Variants in PCDH11X observed in about 807,000 individuals in gnomAD.
PCDH11X encodes the protein protocadherin-11 X-linked.
A neutral mutation model predicts 53.3 loss-of-function variants in PCDH11X; 18 were observed. That is an observed-to-expected ratio of 0.34 (90% CI 0.23 to 0.50). The LOEUF is 0.50. PCDH11X is among the 20% of genes least tolerant of loss of function. PCDH11X has a pLI of 0.98. For missense variants in PCDH11X, 570 were observed against 1,032.4 expected (o/e 0.55, Z 6.14); for synonymous variants, 279 against 393.3 (o/e 0.71, Z 3.44).
chrX:92,348,443 A>C (rs2069955573), intron 8 of PCDH11X, among the ~76,000 whole-genome samples: 2 of 109,799 alleles, frequency 1.8e-5, no homozygotes, highest in African/African-American at 6.6e-5. Flanking sequence ...TCCAAAATCC[A>C]AGTTCGGGGA....
chrX:92,601,066 G>T (rs1926172731), intron 10 of PCDH11X, among the ~76,000 whole-genome samples: 1 of 110,146 alleles, frequency 9.1e-6, no homozygotes, highest in Non-Finnish European at 1.9e-5. Flanking sequence ...TAACTAACTT[G>T]CTTTTGATTT....
chrX:92,379,376 C>T (rs180858548), intron 8 of PCDH11X, among the ~76,000 whole-genome samples: 5 of 113,036 alleles, frequency 4.4e-5, no homozygotes, highest in African/African-American at 6.4e-5. Flanking sequence ...TGCTGACATG[C>T]CTATGGCTGC....
chrX:92,498,888 T>C, intron 10 of PCDH11X, among the ~76,000 whole-genome samples: 1 of 92,963 alleles, frequency 1.1e-5, no homozygotes, highest in Non-Finnish European at 2.2e-5. Context: ...TTCATTCATA[T>C]TGTCATCAAC....
intron 7 of PCDH11X, among the ~76,000 whole-genome samples, chrX:92,219,502 C>G (rs185393088): frequency 0.17 from 18,110 of 108,427 alleles, 1,306 homozygotes; most frequent in Admixed American, 0.3. Context: ...GACGTGAAGG[C>G]CCTCTTCAAG....
intron 6 of PCDH11X, among the ~76,000 whole-genome samples, chrX:91,955,719 A>C (rs954553154): frequency 8.9e-6 from 1 of 112,248 alleles, no homozygotes; most frequent in African/African-American, 3.2e-5. Context: ...TGTGGCAACG[A>C]GAAGAATGTA....
intron 4 of PCDH11X, among the ~76,000 whole-genome samples, chrX:91,828,313 G>T (rs760715491): frequency 9.2e-6 from 1 of 109,162 alleles, no homozygotes; most frequent in Non-Finnish European, 1.9e-5. Context: ...GTAGAGACGG[G>T]GTTTCACCAT....
At chrX:91,814,266 T>C (rs1936384659) in intron 4 of PCDH11X, among the ~76,000 whole-genome samples, 1 of 111,363 alleles carries the variant, frequency 9.0e-6, no homozygotes, top group Non-Finnish European at 1.9e-5. Flanking sequence ...CATTCATTGT[T>C]CAGTTTAAGC....
At chrX:91,804,665 G>A (rs1390843313) in intron 1 of PCDH11X, among the ~76,000 whole-genome samples, 1 of 110,924 alleles carries the variant, frequency 9.0e-6, no homozygotes, top group African/African-American at 3.3e-5. Context: ...TTGTTAAATT[G>A]TATATTTACA....
chrX:91,998,937 C>A (rs1266220444), intron 6 of PCDH11X, among the ~76,000 whole-genome samples: 1 of 104,732 alleles, frequency 9.5e-6, no homozygotes, highest in African/African-American at 3.7e-5. Flanking sequence ...TTTTTTGAGA[C>A]AGTCTCTCAC....
intron 8 of PCDH11X, among the ~76,000 whole-genome samples, chrX:92,305,748 G>A (rs1343660490): frequency 9.0e-6 from 1 of 111,087 alleles, no homozygotes; most frequent in Non-Finnish European, 1.9e-5. Context: ...ATATGCATAT[G>A]TGTTACGAAT....
At chrX:92,263,186 T>C (rs764676654) in intron 8 of PCDH11X, 43 bp downstream of exon 8, 2 of 1,081,537 alleles carry the variant, frequency 1.8e-6, no homozygotes, top group East Asian at 6.4e-5. Context: ...TGAAATGTTG[T>C]GTTTATACTG....
At chrX:91,961,566 C>CA (rs58707236) in intron 6 of PCDH11X, among the ~76,000 whole-genome samples, 21 of 108,053 alleles carry the variant, frequency 1.9e-4, no homozygotes, top group African/African-American at 6.1e-4. Context: ...AAAACTCTGC[C>CA]AAAAAAAAAT....
chrX:92,582,773 C>T (rs1923866515), intron 10 of PCDH11X, among the ~76,000 whole-genome samples: 1 of 110,521 alleles, frequency 9.0e-6, no homozygotes, highest in South Asian at 3.9e-4. Context: ...TGAAAGCATC[C>T]AGGAGGGAGG....
At chrX:92,295,588 A>G (rs2755281) in intron 8 of PCDH11X, among the ~76,000 whole-genome samples, 1 of 110,213 alleles carries the variant, frequency 9.1e-6, no homozygotes, top group Non-Finnish European at 1.9e-5. Flanking sequence ...TCCTGGTCTT[A>G]GTGAGAAAGC....
At chrX:92,418,414 G>A (rs2071870782) in intron 9 of PCDH11X, among the ~76,000 whole-genome samples, 1 of 110,925 alleles carries the variant, frequency 9.0e-6, no homozygotes, top group African/African-American at 3.3e-5. Flanking sequence ...TAGCATTTTA[G>A]TGAGAGTTTT....
intron 1 of PCDH11X, among the ~76,000 whole-genome samples, chrX:91,795,152 ATT>A: frequency 8.9e-6 from 1 of 112,010 alleles, no homozygotes; most frequent in East Asian, 2.8e-4. Flanking sequence ...CATTTCTGAT[ATT>A]TTTTTGTCTT....
intron 7 of PCDH11X, among the ~76,000 whole-genome samples, chrX:92,238,410 C>G (rs1320329546): frequency 9.0e-6 from 1 of 111,395 alleles, no homozygotes; most frequent in Non-Finnish European, 1.9e-5. Context: ...GGAATTCAGA[C>G]AGATGTGCAT....
At chrX:92,142,456 G>A (rs745352522) in intron 6 of PCDH11X, among the ~76,000 whole-genome samples, 15 of 109,743 alleles carry the variant, frequency 1.4e-4, no homozygotes, top group African/African-American at 5.0e-4. Context: ...CTGACCTCAG[G>A]TGATCTGCCG....
At chrX:92,611,995 AT>A (rs929512421) in intron 10 of PCDH11X, among the ~76,000 whole-genome samples, 17 of 103,934 alleles carry the variant, frequency 1.6e-4, no homozygotes, top group Admixed American at 1.1e-3. Context: ...TTCCTAGTAT[AT>A]TTTTTTTGAC....
Sources: gnomAD v4.1 joint callset for allele counts (sites outside exome capture counted in the v4.1 genomes callset) on GRCh38, gnomAD v4.1.1 for gene constraint, MANE v1.5 for transcripts, NCBI Gene and HGNC (gene_info 2026-07-23, HGNC 2026-07-21) for gene names.